Variants in INVS observed in about 807,000 individuals in gnomAD.
The protein encoded by INVS is inversin, also known as inversion of embryo turning homolog.
INVS carries 86 observed loss-of-function variants against 108.8 expected under a neutral mutation model. The ratio of observed to expected loss-of-function variants is 0.79; its 90% CI spans 0.66 to 0.95. INVS has a LOEUF of 0.95. Ranked by LOEUF, INVS falls within the 40% of genes least tolerant of loss-of-function variation. INVS has a pLI of 0.00. For missense variants in INVS, 1,169 were observed against 1,297.4 expected (o/e 0.90, Z 1.52); for synonymous variants, 455 against 473.5 (o/e 0.96, Z 0.51).
chr9:100,181,179 A>G (rs1429645605), intron 3 of INVS, among the ~76,000 whole-genome samples: 1 of 152,216 alleles, frequency 6.6e-6, no homozygotes, highest in Non-Finnish European at 1.5e-5. Flanking sequence ...GTCATACTGA[A>G]TGGGCAAAAA....
chr9:100,253,137 G>T lies in INVS; in HGVS notation c.1464+1G>T, dbSNP rs375753623. On this transcript the variant is annotated splice_donor_variant, in intron 10 of 16. Coordinates refer to ENST00000262457, the MANE Select transcript of INVS (RefSeq NM_014425.5). LOFTEE classifies it high-confidence loss of function. ...AGACCCTAACATTCAAGACAAAGAGGTAGAAATTCTGTCTTTTCTATATTG... is the reference window on the plus strand; with the variant it reads ...AGACCCTAACATTCAAGACAAAGAGTTAGAAATTCTGTCTTTTCTATATTG... 3.1e-6 allele frequency: 5 copies of T among 1,605,822 alleles called. No homozygotes were observed. The highest frequency in any genetic ancestry group is 3.3e-5 in the Admixed American group (2 of 59,974).
At chr9:100,224,517 G>C (rs1831246328) in intron 3 of INVS, among the ~76,000 whole-genome samples, 1 of 152,118 alleles carries the variant, frequency 6.6e-6, no homozygotes, top group Non-Finnish European at 1.5e-5. Flanking sequence ...ACAATTTTTA[G>C]AGTCTTATTT....
At chr9:100,175,534 T>C in intron 3 of INVS, 3 of 741,228 alleles carry the variant, frequency 4.0e-6, no homozygotes, top group Non-Finnish European at 7.5e-6. Flanking sequence ...TACAGCATCC[T>C]GAATCTTAGC....
chr9:100,113,042 A>G (rs560753739), intron 2 of INVS, among the ~76,000 whole-genome samples: 3 of 152,362 alleles, frequency 2.0e-5, no homozygotes, highest in African/African-American at 7.2e-5. Context: ...ATTATGGCAT[A>G]TTCTCTATAA....
chr9:100,300,051 G>T (rs1267379623), intron 16 of INVS, among the ~76,000 whole-genome samples: 1 of 152,126 alleles, frequency 6.6e-6, no homozygotes, highest in Non-Finnish European at 1.5e-5. Flanking sequence ...AGTATCATTT[G>T]TCAAAGTATA....
Position 100,302,158 on chromosome 9 carries a change from AAAC to A in INVS, c.*1488_*1490del, listed in dbSNP as rs748189853. 1.0e-5 allele frequency: 13 copies of A among 1,300,674 alleles called. No homozygotes were observed. In the African/African-American group the frequency reaches 1.9e-4, roughly 19 times the overall value. 80.6% of individuals were successfully genotyped at this position (1,300,674 alleles called of 1,614,324 possible). The stretch of plus-strand genomic sequence containing the variant: ...TTCTTCAAATAAGATAGATGTGAAT[AAAC>A]AACTTCAAACAGGAGGTACTATGGC... On this transcript the variant is annotated 3_prime_UTR_variant, in exon 17 of 17. Coordinates refer to ENST00000262457, the MANE Select transcript of INVS (RefSeq NM_014425.5).
chr9:100,279,128 A>C (rs1218844047), intron 12 of INVS, among the ~76,000 whole-genome samples: 5 of 152,232 alleles, frequency 3.3e-5, no homozygotes, highest in Admixed American at 3.3e-4. Flanking sequence ...TCTAGGAACC[A>C]AAAACATACC....
intron 3 of INVS, among the ~76,000 whole-genome samples, chr9:100,155,075 G>T (rs1480463299): frequency 6.6e-6 from 1 of 151,862 alleles, no homozygotes; most frequent in Non-Finnish European, 1.5e-5. Flanking sequence ...TAGCAGCCAG[G>T]CCTGGTGGCA....
At chr9:100,122,774 G>C (rs757552541) in intron 2 of INVS, among the ~76,000 whole-genome samples, 8 of 151,220 alleles carry the variant, frequency 5.3e-5, no homozygotes, top group Admixed American at 2.6e-4. Flanking sequence ...TTAGTAGAGA[G>C]GGGGTTTCAC....
At chr9:100,145,064 G>A (rs1269627641) in intron 3 of INVS, among the ~76,000 whole-genome samples, 4 of 152,118 alleles carry the variant, frequency 2.6e-5, no homozygotes, top group Admixed American at 6.5e-5. Flanking sequence ...GGGTCAAGCG[G>A]CATTGTAGAA....
At chr9:100,209,194 C>A (rs1453954895) in intron 3 of INVS, among the ~76,000 whole-genome samples, 1 of 152,090 alleles carries the variant, frequency 6.6e-6, no homozygotes. Flanking sequence ...AACTGTTACC[C>A]TGTGGTTAAG....
intron 2 of INVS, among the ~76,000 whole-genome samples, chr9:100,115,898 T>C (rs561212250): frequency 1.3e-5 from 2 of 152,238 alleles, no homozygotes; most frequent in South Asian, 2.1e-4. Flanking sequence ...TTGAACTAGT[T>C]TACAGTCCCA....
chr9:100,169,557 ACTT>A (rs1829473860), intron 3 of INVS, among the ~76,000 whole-genome samples: 1 of 152,152 alleles, frequency 6.6e-6, no homozygotes, highest in Admixed American at 6.6e-5. Flanking sequence ...AAAAGTATAA[ACTT>A]CTTTATGAGT....
chr9:100,133,218 A>C (rs1475943919), intron 3 of INVS, among the ~76,000 whole-genome samples: 1 of 152,140 alleles, frequency 6.6e-6, no homozygotes, highest in African/African-American at 2.4e-5. Context: ...TTTTTAAACA[A>C]AACTATAGAT....
chr9:100,248,639 A>G (rs1832124366), intron 8 of INVS, among the ~76,000 whole-genome samples: 1 of 152,184 alleles, frequency 6.6e-6, no homozygotes, highest in African/African-American at 2.4e-5. Context: ...TTTAGGCGTG[A>G]TAACAGCATT....
At chr9:100,243,329 T>C (rs1831939094) in intron 7 of INVS, among the ~76,000 whole-genome samples, 1 of 152,198 alleles carries the variant, frequency 6.6e-6, no homozygotes, top group African/African-American at 2.4e-5. Flanking sequence ...AGGATAATTA[T>C]ACCTTTTCTT....
chr9:100,276,832 G>T (rs1393539971), intron 12 of INVS, among the ~76,000 whole-genome samples: 1 of 152,124 alleles, frequency 6.6e-6, no homozygotes, highest in African/African-American at 2.4e-5. Context: ...CAGCCATGGT[G>T]CTCTGTAAGA....
chr9:100,258,521 G>T (rs755928880), intron 10 of INVS, among the ~76,000 whole-genome samples: 33 of 152,098 alleles, frequency 2.2e-4, no homozygotes, highest in Admixed American at 1.6e-3. Flanking sequence ...TTCTACTCTG[G>T]TTTCTCCCCA....
At chr9:100,171,147 G>C (rs575166648) in intron 3 of INVS, among the ~76,000 whole-genome samples, 1 of 152,264 alleles carries the variant, frequency 6.6e-6, no homozygotes, top group African/African-American at 2.4e-5. Flanking sequence ...GCCACATAAT[G>C]ACATTTTGTT....
Sources: gnomAD v4.1 joint callset for allele counts (sites outside exome capture counted in the v4.1 genomes callset) on GRCh38, gnomAD v4.1.1 for gene constraint, MANE v1.5 for transcripts, NCBI Gene and HGNC (gene_info 2026-07-23, HGNC 2026-07-21) for gene names.